Variants in ADH6 observed in about 807,000 individuals in gnomAD.
The protein encoded by ADH6 is alcohol dehydrogenase 6 (class V).
A neutral mutation model predicts 36.5 loss-of-function variants in ADH6; 34 were observed. The observed-to-expected ratio is 0.93, with a 90% CI of 0.71 to 1.24. The LOEUF (loss-of-function observed/expected upper bound fraction) is 1.24. Ranked by LOEUF, ADH6 falls within the 50% of genes most tolerant of loss-of-function variation. The probability of loss-of-function intolerance (pLI) is 0.00; values close to 1 mark genes in which losing one functional copy is unlikely to be tolerated. For missense variants in ADH6, 440 were observed against 447.0 expected (o/e 0.98, Z 0.14); for synonymous variants, 161 against 155.5 (o/e 1.04, Z -0.26).
At chr4:99,214,403 A>G (rs1731331957) in intron 2 of ADH6, among the ~76,000 whole-genome samples, 1 of 152,168 alleles carries the variant, frequency 6.6e-6, no homozygotes, top group African/African-American at 2.4e-5. Flanking sequence ...CTAAAATGAA[A>G]TGAAATAAAG....
rs746891210 is a variant in ADH6, at chr4:99,210,201, A to T, written c.448T>A (p.Tyr150Asn). The change falls in exon 5 of 9, where the codon TAC becomes AAC. Residue 150 changes from tyrosine (Y) to asparagine (N), a missense_variant. Tyr to Asn is a moderately radical substitution (Grantham distance 143). Transcript: ENST00000394899. Reference sequence around the variant, plus strand: ...ACTGAGATTTCCTTTATCACTGTGTATTCACAGAAGGTGCTGGTATTACCA... The same window carrying T: ...ACTGAGATTTCCTTTATCACTGTGTTTTCACAGAAGGTGCTGGTATTACCA... ...HFGNTSTFCE[Y>N]TVIKEISVAK... is the part of the protein sequence containing the mutation. The T allele has an allele frequency of 5.0e-6, 8 of 1,613,698 alleles. No homozygotes were observed. The Admixed American group carries it at 1.0e-4, about 20-fold the overall frequency.
chr4:99,205,141 A>G, intron 7 of ADH6, 78 bp from the exon 8 acceptor site: 6 of 1,444,386 alleles, frequency 4.2e-6, no homozygotes, highest in Non-Finnish European at 3.7e-6. Flanking sequence ...TAACTGCTGA[A>G]GTTGTTGGCT....
At chr4:99,209,595 TG>T (rs998766921) in intron 5 of ADH6, among the ~76,000 whole-genome samples, 1 of 152,168 alleles carries the variant, frequency 6.6e-6, no homozygotes, top group Non-Finnish European at 1.5e-5. Flanking sequence ...ATCTGTCTAA[TG>T]TAGTAACACC....
intron 3 of ADH6, among the ~76,000 whole-genome samples, chr4:99,212,348 T>C (rs1321768339): frequency 2.6e-5 from 4 of 152,156 alleles, no homozygotes; most frequent in African/African-American, 9.7e-5. Context: ...TTCATTGCAT[T>C]TTAAAATTTT....
Position 99,210,308 on chromosome 4 carries a change from A to G in ADH6, c.351-10T>C. On this transcript the variant is annotated splice_polypyrimidine_tract_variant and intron_variant, in intron 4 of 8. Coordinates refer to ENST00000394899, the MANE Select transcript of ADH6 (RefSeq NM_001102470.2). ...TTGGGTTTTTGACTGTCTTTTATAG[A>G]CAAAACAAAAAACAAAACACAAAGT... The G allele has an allele frequency of 6.2e-7, 1 of 1,609,906 alleles. No individual in the cohort carries two copies. Among genetic ancestry groups the G allele is most frequent in the East Asian group, 2.2e-5 (1 of 44,842 alleles).
In ADH6 at chr4:99,213,715, C is replaced by G; in HGVS notation, c.153G>C (p.Met51Ile). The G allele has an allele frequency of 6.2e-7, 1 of 1,613,672 alleles. No homozygotes were observed. The highest frequency in any genetic ancestry group is 8.5e-7 in the Non-Finnish European group (1 of 1,179,822). Residue 51 changes from methionine to isoleucine, a missense_variant, in exon 3 of 9, where the codon ATG (methionine) becomes ATC (isoleucine). Transcript: ENST00000394899. The stretch of plus-strand genomic sequence containing the variant: ...CCAAGTGTTTACTCCCCAACACTTT[C>G]ATCTCTGTACCACACAGTCCGGTGG... ...VVATGLCGTE[M>I]KVLGSKHLDL...
At position 99,213,614 on chromosome 4, in the gene ADH6, A is replaced by G. The variant is rs753566426; in HGVS notation, c.254T>C (p.Val85Ala). ...VESIGEGVSTVKPGDKVITLF... is the reference protein window; with the variant it reads ...VESIGEGVSTAKPGDKVITLF... Reference sequence around the variant, plus strand: ...CAGGTGCTAATTCCTACCTGGTTTCACTGTGCTTACTCCTTCTCCAATACT... The same window carrying G: ...CAGGTGCTAATTCCTACCTGGTTTCGCTGTGCTTACTCCTTCTCCAATACT... The change falls in exon 3 of 9, where the codon GTG (valine) becomes GCG (alanine). Residue 85 changes from valine to alanine, a missense_variant. Coordinates refer to ENST00000394899, the MANE Select transcript of ADH6 (RefSeq NM_001102470.2). 31 of 1,603,016 alleles carry G rather than the reference A, an allele frequency of 1.9e-5. No individual in the cohort carries two copies. The highest frequency in any genetic ancestry group is 1.7e-4 in the Middle Eastern group (1 of 6,022).
intron 5 of ADH6, among the ~76,000 whole-genome samples, chr4:99,209,809 T>C (rs1465382429): frequency 6.6e-6 from 1 of 152,180 alleles, no homozygotes; most frequent in African/African-American, 2.4e-5. Flanking sequence ...AGTCATGTTG[T>C]AACTATGTTA....
At chr4:99,216,002 A>G (rs553212389) in intron 2 of ADH6, 159 bp downstream of exon 2, 2 of 441,782 alleles carry the variant, frequency 4.5e-6, no homozygotes, top group African/African-American at 4.1e-5. Context: ...GCTGGATTTA[A>G]AAATTGATGG....
intron 3 of ADH6, among the ~76,000 whole-genome samples, chr4:99,212,923 A>G (rs559866530): frequency 2.6e-5 from 4 of 152,010 alleles, no homozygotes; most frequent in African/African-American, 9.6e-5. Context: ...AAATTTATCT[A>G]TATAAATATC....
Position 99,210,218 on chromosome 4 carries a change from G to A in ADH6, c.431C>T (p.Thr144Ile), listed in dbSNP as rs1391476263. The A allele has an allele frequency of 6.2e-7, 1 of 1,613,566 alleles. No homozygotes were observed. The highest frequency in any genetic ancestry group is 1.3e-5 in the African/African-American group (1 of 74,888). Residue 144 changes from threonine to isoleucine, a missense_variant, in exon 5 of 9, where the codon ACC becomes ATC. Thr to Ile is a moderately conservative substitution (Grantham distance 89). Transcript: ENST00000394899. ...KGKSIYHFGN[T>I]STFCEYTVIK... ...CACTGTGTATTCACAGAAGGTGCTG[G>A]TATTACCAAAGTGATATATTGATTT...
rs746671501 is a variant in ADH6, at chr4:99,207,497, T to G, written c.913A>C (p.Ser305Arg). Residue 305 changes from serine (S) to arginine (R), a missense_variant, in exon 7 of 9, where the codon AGT becomes CGT. Transcript: ENST00000394899. ...CGTCCTGAGAAGAACAACTGGCCACTGATTTTGAGTTGAACACTGGCAGGC... is the reference window on the plus strand; with the variant it reads ...CGTCCTGAGAAGAACAACTGGCCACGGATTTTGAGTTGAACACTGGCAGGC... ...VLPASVQLKISGQLFFSGRSL... is the reference protein window; with the variant it reads ...VLPASVQLKIRGQLFFSGRSL... 1 of 1,613,624 alleles carries G rather than the reference T, an allele frequency of 6.2e-7. No individual in the cohort carries two copies. Among genetic ancestry groups the G allele is most frequent in the South Asian group, 1.1e-5 (1 of 91,080 alleles).
Position 99,210,306 on chromosome 4 carries a change from A to G in ADH6, c.351-8T>C, listed in dbSNP as rs199692938. 3 of 1,610,478 alleles carry G rather than the reference A, an allele frequency of 1.9e-6. No homozygotes were observed. Among genetic ancestry groups the G allele is most frequent in the African/African-American group, 1.3e-5 (1 of 74,892 alleles). On this transcript the variant is annotated splice_region_variant and splice_polypyrimidine_tract_variant and intron_variant, in intron 4 of 8. Transcript: ENST00000394899. ...AGTTGGGTTTTTGACTGTCTTTTATAGACAAAACAAAAAACAAAACACAAA... is the reference window on the plus strand; with the variant it reads ...AGTTGGGTTTTTGACTGTCTTTTATGGACAAAACAAAAAACAAAACACAAA...
At chr4:99,207,698 C>T in intron 6 of ADH6, 117 bp from the exon 7 acceptor site, 1 of 1,081,662 alleles carries the variant, frequency 9.2e-7, no homozygotes, top group Non-Finnish European at 1.3e-6. Flanking sequence ...TCTGATTCTC[C>T]CTATTCTCAT....
At chr4:99,205,393 G>A (rs1246153598) in intron 7 of ADH6, among the ~76,000 whole-genome samples, 28 of 152,048 alleles carry the variant, frequency 1.8e-4, no homozygotes. Context: ...AAGGTCTTGG[G>A]AATCATGGAA....
chr4:99,207,164 G>A (rs1731064392), intron 7 of ADH6, among the ~76,000 whole-genome samples: 2 of 151,836 alleles, frequency 1.3e-5, no homozygotes, highest in Non-Finnish European at 2.9e-5. Context: ...TTACAATATT[G>A]CCTTCTTTTC....
At chr4:99,212,680 G>A (rs956601247) in intron 3 of ADH6, among the ~76,000 whole-genome samples, 2 of 151,514 alleles carry the variant, frequency 1.3e-5, no homozygotes, top group African/African-American at 4.8e-5. Context: ...ATATGTCTGA[G>A]GTTGGGCATA....
In ADH6 at chr4:99,205,005, C is replaced by T. The variant is rs1730972118; in HGVS notation, c.1023G>A (p.Leu341=). The T allele has an allele frequency of 1.2e-6, 2 of 1,608,720 alleles. No individual in the cohort carries two copies. The highest frequency in any genetic ancestry group is 1.1e-5 in the South Asian group (1 of 90,294). The stretch of plus-strand genomic sequence containing the variant: ...TATGAGTAATTAGTGGATCTAGATT[C>T]AACTTCTCTGCCATATAATCAGCAA... ...KLVADYMAEK[L]NLDPLITHTL... The change falls in exon 8 of 9, where the codon TTG becomes TTA. Residue 341 remains leucine (L), a synonymous_variant. Transcript: ENST00000394899.
intron 5 of ADH6, 143 bp downstream of exon 5, chr4:99,209,939 G>A: frequency 1.3e-6 from 1 of 756,352 alleles, no homozygotes. Flanking sequence ...GGGATGACTA[G>A]GTAGATAGCA....
Sources: allele counts gnomAD v4.1 joint callset (sites outside exome capture counted in the v4.1 genomes callset), GRCh38; gene constraint gnomAD v4.1.1; transcripts MANE v1.5; gene names NCBI Gene and HGNC (gene_info 2026-07-23, HGNC 2026-07-21).